The following HOMER1 variants were observed in gnomAD, a reference collection of about 807,000 sequenced individuals.
HOMER1 encodes the protein homer protein homolog 1.
HOMER1 carries 3 observed loss-of-function variants against 48.9 expected under a neutral mutation model. That is an observed-to-expected ratio of 0.06 (90% CI 0.03 to 0.16). The LOEUF is 0.16. Ranked by LOEUF, HOMER1 falls within the 10% of genes least tolerant of loss-of-function variation. The pLI is 1.00. For synonymous variants in HOMER1, 134 were observed against 146.4 expected (o/e 0.92, Z 0.61); for missense variants, 247 against 411.4 (o/e 0.60, Z 3.46).
intron 1 of HOMER1, among the ~76,000 whole-genome samples, chr5:79,498,835 CTTTT>C (rs368140541): frequency 1.5e-5 from 2 of 133,936 alleles, no homozygotes; most frequent in Non-Finnish European, 3.2e-5. Context: ...CAGGTCTCCA[CTTTT>C]TTTTTTTTTT....
At chr5:79,494,583 T>C (rs954489207) in intron 1 of HOMER1, among the ~76,000 whole-genome samples, 6 of 152,210 alleles carry the variant, frequency 3.9e-5, no homozygotes, top group African/African-American at 1.4e-4. Flanking sequence ...AATTTGAGTG[T>C]TTCAGCTGGG....
At chr5:79,487,961 T>C (rs545630898) in intron 1 of HOMER1, among the ~76,000 whole-genome samples, 3 of 152,346 alleles carry the variant, frequency 2.0e-5, no homozygotes, top group African/African-American at 4.8e-5. Context: ...TTAATAATTG[T>C]TGAAGCCAGG....
At position 79,443,705 on chromosome 5, in the gene HOMER1, T is replaced by C. The variant is rs1020888804; in HGVS notation, c.387+3348A>G. Among the ~76,000 whole-genome samples the C allele has an allele frequency of 2.0e-5, 3 of 152,316 alleles. No individual in the cohort carries two copies. In the East Asian group the frequency reaches 5.8e-4, roughly 29 times the overall value. ...TCACAATATTCCTATTAAGGACATA[T>C]TGTTCTCATTCTCATTTTATAGAGG... is the stretch of plus-strand genomic sequence containing the variant. On this transcript the variant is annotated intron_variant, in intron 4 of 8. Coordinates refer to ENST00000334082, the MANE Select transcript of HOMER1 (RefSeq NM_004272.5).
chr5:79,498,397 A>C (rs1752484598), intron 1 of HOMER1, among the ~76,000 whole-genome samples: 2 of 151,974 alleles, frequency 1.3e-5, no homozygotes, highest in Admixed American at 1.3e-4. Context: ...ACTATGTCTC[A>C]AAAAAAAGAG....
intron 1 of HOMER1, among the ~76,000 whole-genome samples, chr5:79,500,990 ACAC>A (rs1335172087): frequency 2.1e-5 from 3 of 143,654 alleles, no homozygotes; most frequent in Admixed American, 1.4e-4. Flanking sequence ...ACACACACAC[ACAC>A]AAGGTCTGGC....
At chr5:79,383,672 C>T (rs985349544) in intron 8 of HOMER1, among the ~76,000 whole-genome samples, 15 of 152,128 alleles carry the variant, frequency 9.9e-5, no homozygotes, top group African/African-American at 3.6e-4. Flanking sequence ...GCATGAGCCA[C>T]CTCGCCTGGC....
intron 1 of HOMER1, among the ~76,000 whole-genome samples, chr5:79,497,373 G>C (rs940060953): frequency 1.3e-5 from 2 of 151,972 alleles, no homozygotes; most frequent in Non-Finnish European, 2.9e-5. Flanking sequence ...AATAGAGCTG[G>C]GTGCAGTGGC....
At position 79,472,879 on chromosome 5, in the gene HOMER1, T is replaced by C. The variant is rs145363648; in HGVS notation, c.6-15861A>G. ...GATACTGTTGTCCAGAGAATGTTTC[T>C]TACAAAAGAAATCAGCCACAAACTT... On this transcript the variant is annotated intron_variant, in intron 1 of 8. Coordinates refer to ENST00000334082, the MANE Select transcript of HOMER1 (RefSeq NM_004272.5). Among the ~76,000 whole-genome samples, 541 of 152,306 alleles carry C rather than the reference T, an allele frequency of 3.6e-3. 5 individuals carry two copies. Among genetic ancestry groups the C allele is most frequent in the African/African-American group, 0.012 (519 of 41,566 alleles).
intron 1 of HOMER1, among the ~76,000 whole-genome samples, chr5:79,508,505 A>G (rs1467460346): frequency 6.6e-6 from 1 of 152,208 alleles, no homozygotes; most frequent in Non-Finnish European, 1.5e-5. Context: ...GTCCCTGCAT[A>G]ATAAGGCTCT....
At chr5:79,446,822 T>TG (rs1175926675) in intron 4 of HOMER1, among the ~76,000 whole-genome samples, 1 of 147,750 alleles carries the variant, frequency 6.8e-6, no homozygotes, top group Non-Finnish European at 1.5e-5. Context: ...TTTTTTTTTT[T>TG]TTTTTTTAAT....
At chr5:79,469,769 G>A (rs1751570191) in intron 1 of HOMER1, among the ~76,000 whole-genome samples, 1 of 151,858 alleles carries the variant, frequency 6.6e-6, no homozygotes, top group South Asian at 2.1e-4. Flanking sequence ...CTGGGACATT[G>A]GACACAAGCT....
chr5:79,397,056 A>G (rs73769648), intron 7 of HOMER1, among the ~76,000 whole-genome samples, 153 bp from the exon 8 acceptor site: 4,885 of 152,232 alleles, frequency 0.032, 233 homozygotes, highest in African/African-American at 0.11. Context: ...ATTCATCTTT[A>G]TATGTATGTT....
In HOMER1 at chr5:79,373,641, G is replaced by C. The variant is rs1455212563; in HGVS notation, c.*2368C>G. On this transcript the variant is annotated 3_prime_UTR_variant, in exon 9 of 9. Transcript: ENST00000334082. ...GTAAATGAATAGTTAAAAGTCTTAA[G>C]AAGATTTTATTTATATGTGCACTTG... 6.6e-6 allele frequency: 1 copy of C among 151,046 alleles called. No individual in the cohort carries two copies. The highest frequency in any genetic ancestry group is 1.5e-5 in the Non-Finnish European group (1 of 67,838). 9.4% of individuals were successfully genotyped at this position (151,046 alleles called of 1,614,324 possible). A position where few individuals can be genotyped will look rare whatever the true frequency, so the allele number is the denominator to read the frequency against.
intron 1 of HOMER1, among the ~76,000 whole-genome samples, chr5:79,460,009 CTTTT>C (rs1431942224): frequency 3.5e-5 from 5 of 142,028 alleles, no homozygotes; most frequent in Non-Finnish European, 7.8e-5. Context: ...AATAGTTTTG[CTTTT>C]TTCTTTCTTT....
intron 5 of HOMER1, among the ~76,000 whole-genome samples, chr5:79,430,639 T>C (rs1387102801): frequency 6.6e-6 from 1 of 152,158 alleles, no homozygotes; most frequent in East Asian, 1.9e-4. Flanking sequence ...AACTGATGGA[T>C]GGATAAATAA....
intron 5 of HOMER1, among the ~76,000 whole-genome samples, chr5:79,429,788 A>C (rs1452160881): frequency 2.6e-5 from 4 of 152,094 alleles, no homozygotes; most frequent in African/African-American, 9.7e-5. Flanking sequence ...CTTTGGGAGG[A>C]AGAGGCAGGT....
intron 8 of HOMER1, among the ~76,000 whole-genome samples, chr5:79,379,113 TAAAATATATAAA>T (rs1748867013): frequency 2.3e-5 from 2 of 87,738 alleles, no homozygotes; most frequent in African/African-American, 9.8e-5. Flanking sequence ...TATATATATA[TAAAATATATAAA>T]TATTTATTTA....
At chr5:79,449,396 A>AGAGTTTTAC (rs1750972777) in intron 3 of HOMER1, among the ~76,000 whole-genome samples, 1 of 152,240 alleles carries the variant, frequency 6.6e-6, no homozygotes, top group African/African-American at 2.4e-5. Context: ...TTGAATGTAA[A>AGAGTTTTAC]ACTCTTATTT....
At chr5:79,510,704 C>T in intron 1 of HOMER1, 4 of 847,300 alleles carry the variant, frequency 4.7e-6, no homozygotes, top group Admixed American at 3.4e-5. Context: ...GGGTGTCAGC[C>T]GCAAGCTCAA....
Sources: gnomAD v4.1 joint callset for allele counts (sites outside exome capture counted in the v4.1 genomes callset) on GRCh38, gnomAD v4.1.1 for gene constraint, MANE v1.5 for transcripts, NCBI Gene and HGNC (gene_info 2026-07-23, HGNC 2026-07-21) for gene names.